Variants in ABCB11 observed in about 807,000 individuals in gnomAD.
ABCB11 encodes bile salt export pump.
Under a neutral mutation model 148.0 loss-of-function variants are expected in ABCB11, and 95 were observed. The observed-to-expected ratio is 0.64, with a 90% CI of 0.54 to 0.76. The LOEUF (loss-of-function observed/expected upper bound fraction) is 0.76. Among genes scored for constraint, ABCB11 ranks in the 30% least tolerant of loss-of-function variants. ABCB11 has a pLI of 0.00. For synonymous variants in ABCB11, 591 were observed against 555.4 expected (o/e 1.06, Z -0.90); for missense variants, 1,523 against 1,617.8 (o/e 0.94, Z 1.01).
intron 14 of ABCB11, among the ~76,000 whole-genome samples, chr2:168,971,244 A>G (rs149694734): frequency 6.6e-6 from 1 of 152,166 alleles, no homozygotes; most frequent in Non-Finnish European, 1.5e-5. Context: ...ATAGGTGTGA[A>G]GTGCTTAGAA....
intron 1 of ABCB11, among the ~76,000 whole-genome samples, chr2:169,022,505 G>A (rs1695568382): frequency 1.3e-5 from 2 of 151,658 alleles, no homozygotes; most frequent in South Asian, 4.1e-4. Context: ...TGTTTATAAA[G>A]GAATAGAAAA....
intron 5 of ABCB11, among the ~76,000 whole-genome samples, chr2:169,002,303 G>C (rs1349374453): frequency 6.6e-6 from 1 of 152,106 alleles, no homozygotes; most frequent in African/African-American, 2.4e-5. Context: ...ATGACATCAA[G>C]TGATGGCAAG....
intron 8 of ABCB11, among the ~76,000 whole-genome samples, chr2:168,992,803 G>T (rs11887272): frequency 0.016 from 2,494 of 152,082 alleles, 64 homozygotes; most frequent in African/African-American, 0.057. Context: ...TTTTATCTGG[G>T]AAATGTTTGA....
At chr2:169,007,897 T>C (rs536959478) in intron 5 of ABCB11, among the ~76,000 whole-genome samples, 1 of 152,224 alleles carries the variant, frequency 6.6e-6, no homozygotes, top group Admixed American at 6.5e-5. Flanking sequence ...AAGGAACTTA[T>C]ATCTAGAATA....
downstream of ABCB11, among the ~76,000 whole-genome samples, chr2:168,916,250 T>C (rs1048643178): frequency 2.6e-5 from 4 of 152,226 alleles, no homozygotes; most frequent in South Asian, 2.1e-4. Context: ...TCCATTTCTA[T>C]CTCCAGCTCT....
chr2:168,937,689 T>C (rs1348145530), intron 21 of ABCB11, among the ~76,000 whole-genome samples: 3 of 152,238 alleles, frequency 2.0e-5, no homozygotes, highest in African/African-American at 4.8e-5. Flanking sequence ...TGAAGATTAA[T>C]GCTTGCTCTA....
Position 168,955,900 on chromosome 2 carries a change from C to T in ABCB11, c.2343+2064G>A, listed in dbSNP as rs182937069. ...AGAAATTGGCCAAAACAAAGGTGCT[C>T]CAGGCCACATGCAGGTCCAAAACCC... On this transcript the variant is annotated intron_variant, in intron 19 of 27. Coordinates refer to ENST00000650372, the MANE Select transcript of ABCB11 (RefSeq NM_003742.4). Among the ~76,000 whole-genome samples the T allele has an allele frequency of 4.6e-5, 7 of 151,748 alleles. No homozygotes were observed. In the East Asian group the frequency reaches 1.4e-3, roughly 30 times the overall value.
At chr2:168,995,594 T>G in intron 6 of ABCB11, 112 bp from the exon 7 acceptor site, 1 of 1,165,732 alleles carries the variant, frequency 8.6e-7, no homozygotes, top group Non-Finnish European at 1.2e-6. Flanking sequence ...GGGAAAGTAA[T>G]TCAGAAAATG....
At chr2:168,976,519 C>T in intron 12 of ABCB11, 58 bp downstream of exon 12, 1 of 1,045,096 alleles carries the variant, frequency 9.6e-7, no homozygotes. Flanking sequence ...TGTGGTTATG[C>T]AAATAAATCA....
intron 19 of ABCB11, among the ~76,000 whole-genome samples, chr2:168,951,532 T>C (rs1020131511): frequency 3.3e-5 from 5 of 151,632 alleles, no homozygotes; most frequent in Non-Finnish European, 7.4e-5. Flanking sequence ...ATTAACTTCA[T>C]GATTTGGCCC....
chr2:168,976,532 G>C (rs546649424), intron 12 of ABCB11, 45 bp downstream of exon 12: 1 of 1,168,978 alleles, frequency 8.6e-7, no homozygotes, highest in Admixed American at 2.2e-5. Flanking sequence ...ATAAATCATC[G>C]AAGAAGAAAA....
At chr2:169,003,133 A>G (rs1394308286) in intron 5 of ABCB11, among the ~76,000 whole-genome samples, 1 of 151,928 alleles carries the variant, frequency 6.6e-6, no homozygotes, top group African/African-American at 2.4e-5. Context: ...CCAAGTCCCC[A>G]AAGTCCAATG....
Position 169,031,209 on chromosome 2 carries a change from A to C in ABCB11, c.-28+16T>G, listed in dbSNP as rs779875562. 2 of 152,264 alleles carry C rather than the reference A, an allele frequency of 1.3e-5. No individual in the cohort carries two copies. The highest frequency in any genetic ancestry group is 2.9e-5 in the Non-Finnish European group (2 of 68,052). 9.4% of individuals were successfully genotyped at this position (152,264 alleles called of 1,614,324 possible). On this transcript the variant is annotated intron_variant, in intron 1 of 27. Transcript: ENST00000650372. ...AAGAGGGAATGGATTTGCAGAGACA[A>C]GTATAAGTTACTTACCTGTGAATAT...
At chr2:168,992,682 G>A (rs569814384) in intron 8 of ABCB11, among the ~76,000 whole-genome samples, 30 of 152,230 alleles carry the variant, frequency 2.0e-4, no homozygotes, top group African/African-American at 7.2e-4. Context: ...GAGGTTTTCA[G>A]GGGTTAAATG....
rs78344358 is a variant in ABCB11 at position 168,957,259 on chromosome 2, G to T, written c.2343+705C>A. Among the ~76,000 whole-genome samples the T allele has an allele frequency of 6.3e-3, 960 of 151,622 alleles. 8 individuals carry two copies. Among genetic ancestry groups the T allele is most frequent in the Middle Eastern group, 0.01 (3 of 294 alleles). ...TGCTAGCCTAAGCTCTCTGTGCCTT[G>T]GTTTGCTCCTTTGTAAAATAGAAAT... is the stretch of plus-strand genomic sequence containing the variant. On this transcript the variant is annotated intron_variant, in intron 19 of 27. Coordinates refer to ENST00000650372, the MANE Select transcript of ABCB11 (RefSeq NM_003742.4).
Position 169,013,436 on chromosome 2 carries a change from G to A in ABCB11, c.225C>T (p.Ala75=). ...GSLCAFLHGI[A]QPGVLLIFGT... is the part of the protein sequence containing the mutation. ...CAAAAATGAGTAGCACGCCTGGCTGGGCTATTCCATGGAGAAATGCACACA... is the reference window on the plus strand; with the variant it reads ...CAAAAATGAGTAGCACGCCTGGCTGAGCTATTCCATGGAGAAATGCACACA... Residue 75 remains alanine, a synonymous_variant, in exon 5 of 28, where the codon GCC becomes GCT. Transcript: ENST00000650372. The A allele has an allele frequency of 6.2e-7, 1 of 1,613,658 alleles. No homozygotes were observed. The highest frequency in any genetic ancestry group is 8.5e-7 in the Non-Finnish European group (1 of 1,179,756).
chr2:168,976,509 T>A (rs1047713389), intron 12 of ABCB11, 68 bp downstream of exon 12: 1 of 920,576 alleles, frequency 1.1e-6, no homozygotes, highest in Non-Finnish European at 1.6e-6. Flanking sequence ...ATGAGCAATT[T>A]GTGGTTATGC....
chr2:169,005,083 T>C (rs186277174), intron 5 of ABCB11, among the ~76,000 whole-genome samples: 1 of 152,082 alleles, frequency 6.6e-6, no homozygotes, highest in East Asian at 1.9e-4. Context: ...TCCGTGAAGG[T>C]CCTCTGTTGT....
At chr2:168,929,661 A>G (rs1308307722) in intron 25 of ABCB11, among the ~76,000 whole-genome samples, 3 of 152,212 alleles carry the variant, frequency 2.0e-5, no homozygotes, top group African/African-American at 7.2e-5. Context: ...AGGTGAAAAT[A>G]AAGGTAGGAT....
Sources: allele counts gnomAD v4.1 joint callset (sites outside exome capture counted in the v4.1 genomes callset), GRCh38; gene constraint gnomAD v4.1.1; transcripts MANE v1.5; gene names NCBI Gene and HGNC (gene_info 2026-07-23, HGNC 2026-07-21).